Variants in ZNF556 observed in about 807,000 individuals in gnomAD.
The protein encoded by ZNF556 is zinc finger protein 556.
A neutral mutation model predicts 13.6 loss-of-function variants in ZNF556; 11 were observed. The observed-to-expected ratio is 0.81, with a 90% confidence interval of 0.51 to 1.33. ZNF556 has a LOEUF of 1.33. ZNF556 is among the 40% of genes most tolerant of loss of function. The probability of loss-of-function intolerance (pLI) is 0.00; values close to 1 mark genes in which losing one functional copy is unlikely to be tolerated. For missense variants in ZNF556, 633 were observed against 566.2 expected (o/e 1.12, Z -1.20); for synonymous variants, 229 against 207.8 (o/e 1.10, Z -0.88).
In ZNF556 at chr19:2,877,366, G is replaced by C. The variant is rs760573516; in HGVS notation, c.408G>C (p.Leu136=). ...FRKTRNCNRH[L]RKNCCTSVRR... is the part of the protein sequence containing the mutation. ...AGACTCGAAATTGTAATCGTCATCTGCGCAAGAATTGTTGTACTAGTGTAA... is the reference window on the plus strand; with the variant it reads ...AGACTCGAAATTGTAATCGTCATCTCCGCAAGAATTGTTGTACTAGTGTAA... Residue 136 remains leucine, a synonymous_variant, in exon 4 of 4, where the codon CTG becomes CTC. Transcript: ENST00000307635. 7.4e-6 allele frequency: 12 copies of C among 1,614,088 alleles called. No homozygotes were observed. In the East Asian group the frequency reaches 2.4e-4, roughly 33 times the overall value.
Position 2,882,531 on chromosome 19 carries a change from A to ATATATATTGT in ZNF556, c.*4202_*4203insTATATATTGT. ...ATACATTTTATATATATATATATAT[A>ATATATATTGT]GTGTGTGTGTGTGTGTGTGTGTGTG... On this transcript the variant is annotated 3_prime_UTR_variant, in exon 4 of 4. Transcript: ENST00000307635. The ATATATATTGT allele has an allele frequency of 7.8e-6, 1 of 127,724 alleles. No homozygotes were observed. The highest frequency in any genetic ancestry group is 3.0e-5 in the African/African-American group (1 of 32,990). The allele number at this position is 127,724 out of a possible 1,614,324, so 7.9% of individuals were successfully genotyped here.
Position 2,879,952 on chromosome 19 carries a change from C to A in ZNF556, c.*1623C>A, listed in dbSNP as rs1178158965. On this transcript the variant is annotated 3_prime_UTR_variant, in exon 4 of 4. Transcript: ENST00000307635. ...GGCTGAGGCAGGAGGATGGCGTGAACCTGGGAGGCGAAGCTTGCAGTGAGC... is the reference window on the plus strand; with the variant it reads ...GGCTGAGGCAGGAGGATGGCGTGAAACTGGGAGGCGAAGCTTGCAGTGAGC... 6.6e-6 allele frequency: 1 copy of A among 152,102 alleles called. No individual in the cohort carries two copies. The highest frequency in any genetic ancestry group is 1.5e-5 in the Non-Finnish European group (1 of 68,052). 9.4% of individuals were successfully genotyped at this position (152,102 alleles called of 1,614,324 possible).
rs1374905862 is a variant in ZNF556, at chr19:2,881,543, C to T, written c.*3214C>T. ...AGTGAGCCAAGATTGCGCCACTGCACTCCAGCCTGGGCGACAAGAGTAAGA... is the reference window on the plus strand; with the variant it reads ...AGTGAGCCAAGATTGCGCCACTGCATTCCAGCCTGGGCGACAAGAGTAAGA... On this transcript the variant is annotated 3_prime_UTR_variant, in exon 4 of 4. Coordinates refer to ENST00000307635, the MANE Select transcript of ZNF556 (RefSeq NM_024967.3). The T allele has an allele frequency of 6.6e-6, 1 of 151,370 alleles. No individual in the cohort carries two copies. The highest frequency in any genetic ancestry group is 1.5e-5 in the Non-Finnish European group (1 of 67,936). The allele number at this position is 151,370 out of a possible 1,614,324, so 9.4% of individuals were successfully genotyped here.
In ZNF556 at chr19:2,882,944, A is replaced by G. The variant is rs1311536470; in HGVS notation, c.*4615A>G. The G allele has an allele frequency of 6.6e-6, 1 of 152,164 alleles. No individual in the cohort carries two copies. The highest frequency in any genetic ancestry group is 2.4e-5 in the African/African-American group (1 of 41,428). The allele number at this position is 152,164 out of a possible 1,614,324, so 9.4% of individuals were successfully genotyped here. ...ACCACAATGTGGGTGTTTGTTTTTA[A>G]TACCTTTGTGAAATAATTTTAAATT... On this transcript the variant is annotated 3_prime_UTR_variant, in exon 4 of 4. Coordinates refer to ENST00000307635, the MANE Select transcript of ZNF556 (RefSeq NM_024967.3).
rs933984469 is a variant in ZNF556 at position 2,880,832 on chromosome 19, C to T, written c.*2503C>T. On this transcript the variant is annotated 3_prime_UTR_variant, in exon 4 of 4. Coordinates refer to ENST00000307635, the MANE Select transcript of ZNF556 (RefSeq NM_024967.3). ...AGATTTAGACATTTTCTTTCTAGTACATTTGTTTCCTATACTGTTATAATT... is the reference window on the plus strand; with the variant it reads ...AGATTTAGACATTTTCTTTCTAGTATATTTGTTTCCTATACTGTTATAATT... The T allele has an allele frequency of 1.3e-5, 2 of 151,456 alleles. No homozygotes were observed. The highest frequency in any genetic ancestry group is 2.9e-5 in the Non-Finnish European group (2 of 67,924). 9.4% of individuals were successfully genotyped at this position (151,456 alleles called of 1,614,324 possible). A position where few individuals can be genotyped will look rare whatever the true frequency, so the allele number is the denominator to read the frequency against.
Position 2,878,135 on chromosome 19 carries a change from A to G in ZNF556, c.1177A>G (p.Thr393Ala), listed in dbSNP as rs537869891. The G allele has an allele frequency of 1.2e-6, 2 of 1,614,136 alleles. No individual in the cohort carries two copies. The highest frequency in any genetic ancestry group is 1.1e-5 in the South Asian group (1 of 91,086). Residue 393 changes from threonine to alanine, a missense_variant, in exon 4 of 4, where the codon ACT becomes GCT. By Grantham distance (58) the Thr-to-Ala change is moderately conservative (BLOSUM62 0). Coordinates refer to ENST00000307635, the MANE Select transcript of ZNF556 (RefSeq NM_024967.3). Reference protein sequence around the residue: ...SSLHKHERKHTGEKPVNAASV... With the variant: ...SSLHKHERKHAGEKPVNAASV... ...TTTACACAAACATGAGAGAAAGCAC[A>G]CTGGGGAGAAACCTGTAAATGCAGC...
At position 2,882,900 on chromosome 19, in the gene ZNF556, G is replaced by A. The variant is rs527932798; in HGVS notation, c.*4571G>A. On this transcript the variant is annotated 3_prime_UTR_variant, in exon 4 of 4. Transcript: ENST00000307635. ...TTTGGACATTGGCATCTGGGACCAGGTACTTCATCTGGATTTGAACCACAA... is the reference window on the plus strand; with the variant it reads ...TTTGGACATTGGCATCTGGGACCAGATACTTCATCTGGATTTGAACCACAA... The A allele has an allele frequency of 9.9e-5, 15 of 152,236 alleles. No homozygotes were observed. In the South Asian group the frequency reaches 2.7e-3, roughly 27 times the overall value. 9.4% of individuals were successfully genotyped at this position (152,236 alleles called of 1,614,324 possible).
rs369834459 is a variant in ZNF556 at position 2,880,507 on chromosome 19, G to C, written c.*2178G>C. The C allele has an allele frequency of 6.6e-6, 1 of 152,192 alleles. No homozygotes were observed. The highest frequency in any genetic ancestry group is 1.5e-5 in the Non-Finnish European group (1 of 68,054). 9.4% of individuals were successfully genotyped at this position (152,192 alleles called of 1,614,324 possible). ...TTCTGGGCCAGGCACAGTGGCTCAC[G>C]CCTGTAATCCCAGCACTTTGGGGAG... is the stretch of plus-strand genomic sequence containing the variant. On this transcript the variant is annotated 3_prime_UTR_variant, in exon 4 of 4. Coordinates refer to ENST00000307635, the MANE Select transcript of ZNF556 (RefSeq NM_024967.3).
chr19:2,867,520 G>A lies in ZNF556; in HGVS notation c.3+96G>A, dbSNP rs547660675. On this transcript the variant is annotated intron_variant, in intron 1 of 3. Transcript: ENST00000307635. ...GCTGAAACTCCCGGGGGAGCCGCCC[G>A]GAACCCCCATGCAGCCTCTGTCCCT... The A allele has an allele frequency of 3.9e-5, 59 of 1,531,158 alleles. No individual in the cohort carries two copies. In the African/African-American group the frequency reaches 5.9e-4, roughly 15 times the overall value. 94.8% of individuals were successfully genotyped at this position (1,531,158 alleles called of 1,614,324 possible).
In ZNF556 at chr19:2,879,476, A is replaced by G. The variant is rs1255367275; in HGVS notation, c.*1147A>G. ...GCGATTCTCCTGCCTCAGCCTCCCAAGTAGCTGGGACTATAGGCATGCACC... is the reference window on the plus strand; with the variant it reads ...GCGATTCTCCTGCCTCAGCCTCCCAGGTAGCTGGGACTATAGGCATGCACC... On this transcript the variant is annotated 3_prime_UTR_variant, in exon 4 of 4. Coordinates refer to ENST00000307635, the MANE Select transcript of ZNF556 (RefSeq NM_024967.3). The G allele has an allele frequency of 6.6e-6, 1 of 152,078 alleles. No homozygotes were observed. 9.4% of individuals were successfully genotyped at this position (152,078 alleles called of 1,614,324 possible). A position where few individuals can be genotyped will look rare whatever the true frequency, so the allele number is the denominator to read the frequency against.
chr19:2,868,062 C>G (rs1012671280), intron 1 of ZNF556, among the ~76,000 whole-genome samples: 1 of 152,008 alleles, frequency 6.6e-6, no homozygotes, highest in Non-Finnish European at 1.5e-5. Context: ...AAATAAAGTT[C>G]TCGTCTTACA....
In ZNF556 at chr19:2,878,420, C is replaced by G; in HGVS notation, c.*91C>G. On this transcript the variant is annotated 3_prime_UTR_variant, in exon 4 of 4. Coordinates refer to ENST00000307635, the MANE Select transcript of ZNF556 (RefSeq NM_024967.3). Reference sequence around the variant, plus strand: ...GCGCAGTGGCTCACGCCTGTAATCCCAGCACTTTGGGAGGCCGAGGCAGGC... The same window carrying G: ...GCGCAGTGGCTCACGCCTGTAATCCGAGCACTTTGGGAGGCCGAGGCAGGC... 7.3e-7 allele frequency: 1 copy of G among 1,366,488 alleles called. No homozygotes were observed. Among genetic ancestry groups the G allele is most frequent in the Non-Finnish European group, 1.0e-6 (1 of 997,312 alleles). 84.6% of individuals were successfully genotyped at this position (1,366,488 alleles called of 1,614,324 possible). A position where few individuals can be genotyped will look rare whatever the true frequency, so the allele number is the denominator to read the frequency against.
At chr19:2,873,272 C>A (rs555898157) in intron 1 of ZNF556, among the ~76,000 whole-genome samples, 7 of 152,260 alleles carry the variant, frequency 4.6e-5, no homozygotes, top group Non-Finnish European at 1.0e-4. Context: ...TGTATCAAAT[C>A]ATCACCTACA....
At chr19:2,869,358 C>T (rs1157787771) in intron 1 of ZNF556, among the ~76,000 whole-genome samples, 7 of 143,226 alleles carry the variant, frequency 4.9e-5, no homozygotes, top group Non-Finnish European at 4.6e-5. Context: ...TTTTATATCT[C>T]CTCTTTTTTT....
Position 2,878,148 on chromosome 19 carries a change from C to G in ZNF556, c.1190C>G (p.Pro397Arg), listed in dbSNP as rs1048164890. The G allele has an allele frequency of 2.5e-6, 4 of 1,614,108 alleles. No individual in the cohort carries two copies. The highest frequency in any genetic ancestry group is 2.2e-5 in the East Asian group (1 of 44,878). ...KHERKHTGEK[P>R]VNAASVGKPS... ...GAGAGAAAGCACACTGGGGAGAAAC[C>G]TGTAAATGCAGCCAGTGTGGGAAAA... Residue 397 changes from proline (P) to arginine (R), a missense_variant, in exon 4 of 4, where the codon CCT (proline) becomes CGT (arginine). Pro to Arg is a moderately radical substitution (Grantham distance 103). Transcript: ENST00000307635.
At chr19:2,876,326 A>C in intron 3 of ZNF556, 50 bp downstream of exon 3, 28 of 1,510,372 alleles carry the variant, frequency 1.9e-5, no homozygotes, top group South Asian at 2.6e-5. Flanking sequence ...ACGGTGGCTC[A>C]TGCCTGTAAT....
At position 2,878,068 on chromosome 19, in the gene ZNF556, T is replaced by C. The variant is rs769785955; in HGVS notation, c.1110T>C (p.Tyr370=). The part of the protein sequence containing the change: ...DVKSQTREKV[Y]KCETCGKTYG... ...AATCACAAACTAGAGAGAAAGTCTA[T>C]AAATGTGAAACGTGTGGGAAAACGT... The change falls in exon 4 of 4, where the codon TAT becomes TAC. Residue 370 remains tyrosine, a synonymous_variant. Transcript: ENST00000307635. The C allele has an allele frequency of 1.2e-4, 197 of 1,614,110 alleles. No homozygotes were observed. The highest frequency in any genetic ancestry group is 1.6e-4 in the Non-Finnish European group (188 of 1,180,014).
In ZNF556 at chr19:2,878,838, A is replaced by G. The variant is rs2087883704; in HGVS notation, c.*509A>G. On this transcript the variant is annotated 3_prime_UTR_variant, in exon 4 of 4. Coordinates refer to ENST00000307635, the MANE Select transcript of ZNF556 (RefSeq NM_024967.3). ...GAATCCTGTAAGTCCTCTCTCACCT[A>G]TAGTACTGAAATTTTGATACATAAT... 6.5e-6 allele frequency: 1 copy of G among 153,382 alleles called. No homozygotes were observed. The highest frequency in any genetic ancestry group is 1.5e-5 in the Non-Finnish European group (1 of 68,884). 9.5% of individuals were successfully genotyped at this position (153,382 alleles called of 1,614,324 possible).
At chr19:2,876,451 G>A (rs972962893) in intron 3 of ZNF556, among the ~76,000 whole-genome samples, 175 bp downstream of exon 3, 1 of 152,058 alleles carries the variant, frequency 6.6e-6, no homozygotes, top group Non-Finnish European at 1.5e-5. Flanking sequence ...TGGGCGCGGT[G>A]GCTCACACCT....
Sources: gnomAD v4.1 joint callset for allele counts (sites outside exome capture counted in the v4.1 genomes callset) on GRCh38, gnomAD v4.1.1 for gene constraint, MANE v1.5 for transcripts, NCBI Gene and HGNC (gene_info 2026-07-23, HGNC 2026-07-21) for gene names.